Variants in TAFA2 observed in about 807,000 individuals in gnomAD.
TAFA2 encodes the protein TAFA chemokine like family member 2, also known as chemokine-like protein TAFA-2.
In TAFA2, 7 loss-of-function variants were observed where a neutral mutation model predicts 18.8. The observed-to-expected ratio is 0.37, with a 90% CI of 0.21 to 0.70. The LOEUF is 0.70. Among genes scored for constraint, TAFA2 ranks in the 30% least tolerant of loss-of-function variants. The pLI is 0.53. For synonymous variants in TAFA2, 60 were observed against 54.2 expected, an observed-to-expected ratio of 1.11 and a Z score of -0.47; for missense variants, 122 against 158.1, an observed-to-expected ratio of 0.77 and a Z score of 1.23.
chr12:62,107,608 A>G (rs1222382698), intron 1 of TAFA2, among the ~76,000 whole-genome samples: 1 of 152,206 alleles, frequency 6.6e-6, no homozygotes, highest in African/African-American at 2.4e-5. Context: ...CAGAAAGGAA[A>G]CTGAAATAGA....
intron 1 of TAFA2, among the ~76,000 whole-genome samples, chr12:61,962,723 C>T (rs940550809): frequency 6.6e-6 from 1 of 151,942 alleles, no homozygotes; most frequent in South Asian, 2.1e-4. Context: ...TAATTATACA[C>T]ATATGTTCCC....
intron 4 of TAFA2, among the ~76,000 whole-genome samples, chr12:61,733,027 C>T (rs967153763): frequency 6.6e-6 from 1 of 151,994 alleles, no homozygotes; most frequent in African/African-American, 2.4e-5. Flanking sequence ...CATGAGAAAA[C>T]ATGCCATGTC....
chr12:61,728,772 C>A (rs74331411), intron 4 of TAFA2, among the ~76,000 whole-genome samples: 7,602 of 151,324 alleles, frequency 0.05, 293 homozygotes, highest in East Asian at 0.2. Flanking sequence ...CTATTCTATT[C>A]ATCATGCTAG....
intron 2 of TAFA2, among the ~76,000 whole-genome samples, chr12:61,850,316 T>G (rs1400800161): frequency 3.9e-5 from 6 of 151,990 alleles, no homozygotes; most frequent in African/African-American, 1.4e-4. Flanking sequence ...TTTTTTTACT[T>G]CCTTTAAGGG....
intron 4 of TAFA2, among the ~76,000 whole-genome samples, chr12:61,741,993 T>C (rs936345915): frequency 6.6e-6 from 1 of 152,002 alleles, no homozygotes; most frequent in East Asian, 1.9e-4. Context: ...ACCTCCTGGG[T>C]TCAAGCAATT....
intron 1 of TAFA2, among the ~76,000 whole-genome samples, chr12:62,139,261 C>T (rs1178084744): frequency 1.3e-5 from 2 of 152,172 alleles, no homozygotes; most frequent in South Asian, 2.1e-4. Context: ...ATTACTTGTG[C>T]TGTCACAAAC....
At chr12:61,818,499 AC>A (rs2121038039) in intron 2 of TAFA2, among the ~76,000 whole-genome samples, 1 of 151,446 alleles carries the variant, frequency 6.6e-6, no homozygotes, top group African/African-American at 2.4e-5. Flanking sequence ...ATACACACAC[AC>A]ACACACACAC....
At chr12:61,933,373 A>G (rs187390016) in intron 1 of TAFA2, among the ~76,000 whole-genome samples, 1 of 152,278 alleles carries the variant, frequency 6.6e-6, no homozygotes, top group African/African-American at 2.4e-5. Context: ...TAAATAAGAT[A>G]ACATAATAAA....
At position 61,967,436 on chromosome 12, in the gene TAFA2, A is replaced by G. The variant is rs182278834; in HGVS notation, c.-1-100010T>C. ...GTTAAAGAGAATCTCATAGCCATTC[A>G]TCATGCACCTAGTGAAATGATTTGA... is the stretch of plus-strand genomic sequence containing the variant. On this transcript the variant is annotated intron_variant, in intron 1 of 4. Coordinates refer to ENST00000416284, the MANE Select transcript of TAFA2 (RefSeq NM_178539.5). Among the ~76,000 whole-genome samples, 445 of 151,990 alleles carry G rather than the reference A, an allele frequency of 2.9e-3. 4 individuals carry two copies. The highest frequency in any genetic ancestry group is 9.8e-3 in the African/African-American group (409 of 41,532).
chr12:62,080,793 T>A (rs1449186882), intron 1 of TAFA2, among the ~76,000 whole-genome samples: 3 of 152,152 alleles, frequency 2.0e-5, no homozygotes, highest in Non-Finnish European at 4.4e-5. Context: ...AAAAAAATGG[T>A]CTCAACTTAT....
intron 1 of TAFA2, among the ~76,000 whole-genome samples, chr12:61,902,279 T>A (rs2121320322): frequency 6.6e-6 from 1 of 152,212 alleles, no homozygotes; most frequent in East Asian, 1.9e-4. Flanking sequence ...TGAACAACTG[T>A]CACTAACTTT....
chr12:61,829,684 T>C (rs1327158601), intron 2 of TAFA2, among the ~76,000 whole-genome samples: 1 of 151,600 alleles, frequency 6.6e-6, no homozygotes, highest in Non-Finnish European at 1.5e-5. Context: ...TCTTTATCTT[T>C]TGTGCCAAAA....
intron 1 of TAFA2, among the ~76,000 whole-genome samples, chr12:62,065,444 T>C (rs1259726000): frequency 1.3e-5 from 2 of 152,058 alleles, no homozygotes; most frequent in African/African-American, 4.8e-5. Flanking sequence ...GCTCTCATTT[T>C]CCTGCCTTGT....
intron 1 of TAFA2, among the ~76,000 whole-genome samples, chr12:61,991,503 T>A (rs1880009511): frequency 6.6e-6 from 1 of 152,228 alleles, no homozygotes; most frequent in African/African-American, 2.4e-5. Context: ...TATTGGCTTT[T>A]AAATCGCTAT....
At chr12:61,996,819 C>T (rs1377659709) in intron 1 of TAFA2, among the ~76,000 whole-genome samples, 2 of 152,142 alleles carry the variant, frequency 1.3e-5, no homozygotes, top group East Asian at 3.9e-4. Flanking sequence ...TTTCCAAAGT[C>T]TATTTCTCTA....
intron 2 of TAFA2, among the ~76,000 whole-genome samples, chr12:61,837,616 A>G (rs1365327250): frequency 1.3e-5 from 2 of 151,940 alleles, no homozygotes; most frequent in Non-Finnish European, 1.5e-5. Flanking sequence ...GGGTCCATAC[A>G]TTCAGGCCTT....
At chr12:62,025,406 T>C (rs1324871828) in intron 1 of TAFA2, among the ~76,000 whole-genome samples, 1 of 152,068 alleles carries the variant, frequency 6.6e-6, no homozygotes, top group Non-Finnish European at 1.5e-5. Flanking sequence ...AAATCAAAAA[T>C]AAATGTTGAA....
intron 1 of TAFA2, among the ~76,000 whole-genome samples, chr12:62,038,469 A>G (rs534411090): frequency 5.9e-5 from 9 of 152,222 alleles, no homozygotes; most frequent in Non-Finnish European, 1.0e-4. Context: ...TGTACATAGC[A>G]TTTACATTGT....
chr12:61,775,351 C>T (rs1870210656), intron 2 of TAFA2, among the ~76,000 whole-genome samples: 1 of 151,782 alleles, frequency 6.6e-6, no homozygotes, highest in Non-Finnish European at 1.5e-5. Context: ...CAAAAACATG[C>T]ACATGGATAT....
Sources: allele counts gnomAD v4.1 joint callset (sites outside exome capture counted in the v4.1 genomes callset), GRCh38; gene constraint gnomAD v4.1.1; transcripts MANE v1.5; gene names NCBI Gene and HGNC (gene_info 2026-07-23, HGNC 2026-07-21).